The following SV2C variants were observed in gnomAD, a reference collection of about 807,000 sequenced individuals.
SV2C encodes the protein synaptic vesicle glycoprotein 2C.
In SV2C, 49 loss-of-function variants were observed where a neutral mutation model predicts 79.7. That is an observed-to-expected ratio of 0.61 (90% confidence interval 0.49 to 0.78). SV2C has a LOEUF of 0.78. SV2C is among the 30% of genes least tolerant of loss of function. The probability of loss-of-function intolerance (pLI) is 0.00; values close to 1 mark genes in which losing one functional copy is unlikely to be tolerated. For missense variants in SV2C, 833 were observed against 912.9 expected (o/e 0.91, Z 1.13); for synonymous variants, 334 against 333.2 (o/e 1.00, Z -0.03).
At chr5:76,280,219 C>G (rs183755606) in intron 4 of SV2C, among the ~76,000 whole-genome samples, 165 of 151,784 alleles carry the variant, frequency 1.1e-3, no homozygotes, top group African/African-American at 3.9e-3. Context: ...GACAACACAC[C>G]CTTTAGAGAG....
At chr5:76,090,853 T>G (rs1033178188) in intron 1 of SV2C, among the ~76,000 whole-genome samples, 6 of 152,214 alleles carry the variant, frequency 3.9e-5, no homozygotes, top group African/African-American at 1.4e-4. Context: ...TGCTTTAAAT[T>G]ACCCAGCTGA....
chr5:76,216,652 C>T (rs1300542548), intron 4 of SV2C, among the ~76,000 whole-genome samples: 1 of 152,180 alleles, frequency 6.6e-6, no homozygotes, highest in African/African-American at 2.4e-5. Flanking sequence ...CCTTCTGACC[C>T]ATAGTGGGAA....
chr5:76,258,784 A>T (rs888888928), intron 4 of SV2C, among the ~76,000 whole-genome samples: 13 of 152,186 alleles, frequency 8.5e-5, no homozygotes, highest in African/African-American at 3.1e-4. Flanking sequence ...CCAAATCAGG[A>T]TATAGAACAT....
At chr5:76,272,640 C>T (rs779447995) in intron 4 of SV2C, among the ~76,000 whole-genome samples, 6 of 152,108 alleles carry the variant, frequency 3.9e-5, no homozygotes, top group African/African-American at 1.2e-4. Flanking sequence ...GAAAGTATTT[C>T]GTTTCTTGCC....
chr5:76,036,097 G>T, the SV2C span, among the ~76,000 whole-genome samples: 3 of 151,410 alleles, frequency 2.0e-5, no homozygotes, highest in Admixed American at 6.6e-5. Context: ...CATTTGCTTG[G>T]TAGATCTTCC....
chr5:76,046,480 T>C, the SV2C span, among the ~76,000 whole-genome samples: 3 of 152,232 alleles, frequency 2.0e-5, no homozygotes, highest in Non-Finnish European at 4.4e-5. Context: ...ATATGTCTAC[T>C]TCAAAACATT....
chr5:75,989,920 G>A, the SV2C span, among the ~76,000 whole-genome samples: 43 of 151,036 alleles, frequency 2.8e-4, no homozygotes, highest in Admixed American at 4.6e-4. Context: ...ATGATTATTG[G>A]CCACATGTAT....
the SV2C span, among the ~76,000 whole-genome samples, chr5:75,965,279 A>C: frequency 6.6e-6 from 1 of 152,210 alleles, no homozygotes; most frequent in Non-Finnish European, 1.5e-5. Context: ...CTCATTAACA[A>C]TAGTTCTTGG....
the SV2C span, among the ~76,000 whole-genome samples, chr5:76,048,961 AAAAGAGAAAGAAAGAAAGAAAG>A: frequency 8.3e-6 from 1 of 120,976 alleles, no homozygotes; most frequent in Admixed American, 9.3e-5. Flanking sequence ...GAGAGAAAGA[AAAAGAGAAAGAAAGAAAGAAAG>A]AAAGAAAGAA....
chr5:76,341,585 A>G (rs185732196), intron 12 of SV2C, among the ~76,000 whole-genome samples: 67 of 152,346 alleles, frequency 4.4e-4, no homozygotes, highest in African/African-American at 1.6e-3. Context: ...GCATTGAGAA[A>G]GCAAAAATTA....
At chr5:76,015,691 T>A in the SV2C span, among the ~76,000 whole-genome samples, 1 of 152,196 alleles carries the variant, frequency 6.6e-6, no homozygotes, top group Non-Finnish European at 1.5e-5. Flanking sequence ...AGAGGTAAGC[T>A]ATTTTTAATG....
the SV2C span, among the ~76,000 whole-genome samples, chr5:76,005,837 T>C: frequency 6.6e-6 from 1 of 152,218 alleles, no homozygotes; most frequent in Non-Finnish European, 1.5e-5. Context: ...GGCATTTTCA[T>C]ACTTGAATTT....
In SV2C at chr5:76,300,905, G is replaced by T; in HGVS notation, c.1813G>T (p.Asp605Tyr). The stretch of plus-strand genomic sequence containing the variant: ...GAACATTGTGTCTGCTCTGCTGATG[G>T]ACAGAATTGGGCGCTTAACAATGCT... The part of the protein sequence containing the change: ...PGNIVSALLM[D>Y]RIGRLTMLGG... Residue 605 changes from aspartate (D) to tyrosine (Y), a missense_variant, in exon 11 of 13, where the codon GAC becomes TAC. Transcript: ENST00000502798. 2 of 1,614,102 alleles carry T rather than the reference G, an allele frequency of 1.2e-6. No homozygotes were observed. The highest frequency in any genetic ancestry group is 1.7e-6 in the Non-Finnish European group (2 of 1,179,980).
At chr5:76,256,197 A>G (rs994000562) in intron 4 of SV2C, among the ~76,000 whole-genome samples, 1 of 152,106 alleles carries the variant, frequency 6.6e-6, no homozygotes, top group Admixed American at 6.6e-5. Flanking sequence ...TCCAGTCTGT[A>G]TCTGTCCCCT....
chr5:76,166,552 T>C (rs895546007), intron 2 of SV2C, among the ~76,000 whole-genome samples: 3 of 152,274 alleles, frequency 2.0e-5, no homozygotes, highest in African/African-American at 7.2e-5. Context: ...GCTACCTTTG[T>C]AGATGTCATC....
chr5:75,982,822 A>T, the SV2C span, among the ~76,000 whole-genome samples: 1 of 152,208 alleles, frequency 6.6e-6, no homozygotes, highest in African/African-American at 2.4e-5. Context: ...AGGGACATGG[A>T]TGGTGCTAGA....
intron 4 of SV2C, among the ~76,000 whole-genome samples, chr5:76,262,586 C>T (rs953893070): frequency 1.3e-5 from 2 of 152,230 alleles, no homozygotes; most frequent in African/African-American, 4.8e-5. Flanking sequence ...AAATTTCCCT[C>T]TAAACACTGC....
chr5:76,261,365 A>C (rs1746461978), intron 4 of SV2C, among the ~76,000 whole-genome samples: 1 of 152,176 alleles, frequency 6.6e-6, no homozygotes, highest in Non-Finnish European at 1.5e-5. Flanking sequence ...GGTTTTCTAA[A>C]TATACAAACA....
At chr5:76,299,076 G>T in intron 10 of SV2C, 149 bp downstream of exon 10, 1 of 1,059,980 alleles carries the variant, frequency 9.4e-7, no homozygotes, top group South Asian at 2.8e-5. Flanking sequence ...TTGGATCAAA[G>T]GTTGGCTTGT....
Sources: gnomAD v4.1 joint callset for allele counts (sites outside exome capture counted in the v4.1 genomes callset) on GRCh38, gnomAD v4.1.1 for gene constraint, MANE v1.5 for transcripts, NCBI Gene and HGNC (gene_info 2026-07-23, HGNC 2026-07-21) for gene names.